STX1B: variants seen among roughly 807,000 people sequenced by gnomAD.
The protein encoded by STX1B is syntaxin-1B.
STX1B carries 7 observed loss-of-function variants against 39.4 expected under a neutral mutation model. The ratio of observed to expected loss-of-function variants is 0.18; its 90% CI spans 0.10 to 0.33. STX1B has a LOEUF of 0.33. Ranked by LOEUF, STX1B falls within the 10% of genes least tolerant of loss-of-function variation. The probability of loss-of-function intolerance (pLI) is 1.00; values close to 1 mark genes in which losing one functional copy is unlikely to be tolerated. For synonymous variants in STX1B, 136 were observed against 144.1 expected (o/e 0.94, Z 0.40); for missense variants, 198 against 383.2 (o/e 0.52, Z 4.04).
intron 1 of STX1B, among the ~76,000 whole-genome samples, chr16:31,003,559 G>A (rs2056642306): frequency 6.6e-6 from 1 of 152,112 alleles, no homozygotes; most frequent in Admixed American, 6.5e-5. Context: ...CCCTGGCCCG[G>A]GTGCCTGAGG....
At chr16:30,997,291 A>C (rs1184447314) in intron 5 of STX1B, among the ~76,000 whole-genome samples, 1 of 152,054 alleles carries the variant, frequency 6.6e-6, no homozygotes, top group East Asian at 1.9e-4. Flanking sequence ...CCAGCTAGAG[A>C]CACTGCTACT....
chr16:31,009,415 G>A (rs2056669944), intron 1 of STX1B, among the ~76,000 whole-genome samples: 3 of 151,746 alleles, frequency 2.0e-5, no homozygotes, highest in African/African-American at 4.9e-5. Context: ...CAGCTCAGCC[G>A]GGGCCGGTAC....
At position 30,991,671 on chromosome 16, in the gene STX1B, C is replaced by G. The variant is rs780751363; in HGVS notation, c.*1150G>C. 1 of 151,956 alleles carries G rather than the reference C, an allele frequency of 6.6e-6. No homozygotes were observed. Among genetic ancestry groups the G allele is most frequent in the Non-Finnish European group, 1.5e-5 (1 of 68,062 alleles). 9.4% of individuals were successfully genotyped at this position (151,956 alleles called of 1,614,324 possible). A position where few individuals can be genotyped will look rare whatever the true frequency, so the allele number is the denominator to read the frequency against. ...ATCACCTGAGGTCAGGAGTTCGAGA[C>G]CAGCCTGGCCAACATGTCAAAACCT... On this transcript the variant is annotated 3_prime_UTR_variant, in exon 10 of 10. Coordinates refer to ENST00000215095, the MANE Select transcript of STX1B (RefSeq NM_052874.5).
At chr16:31,000,269 G>A (rs1179165432) in intron 4 of STX1B, among the ~76,000 whole-genome samples, 2 of 150,698 alleles carry the variant, frequency 1.3e-5, no homozygotes, top group African/African-American at 2.4e-5. Flanking sequence ...GCCTCCCAAA[G>A]TTCTGGGATT....
intron 1 of STX1B, among the ~76,000 whole-genome samples, chr16:31,004,545 G>C (rs183083232): frequency 5.3e-5 from 8 of 152,060 alleles, no homozygotes; most frequent in African/African-American, 1.9e-4. Context: ...ATGGTGGTGC[G>C]CACCTGTAGT....
chr16:31,000,579 A>G (rs1596719043), intron 4 of STX1B, among the ~76,000 whole-genome samples: 1 of 149,016 alleles, frequency 6.7e-6, no homozygotes, highest in Non-Finnish European at 1.5e-5. Flanking sequence ...TGTAACCTCC[A>G]CCTCCCGGGT....
Position 30,993,175 on chromosome 16 carries a change from C to G in STX1B, c.741G>C (p.Val247=), listed in dbSNP as rs1385008089. 4 of 1,614,108 alleles carry G rather than the reference C, an allele frequency of 2.5e-6. No homozygotes were observed. Among genetic ancestry groups the G allele is most frequent in the Non-Finnish European group, 3.4e-6 (4 of 1,180,050 alleles). ...EHSVDYVERA[V]SDTKKAVKYQ... is the part of the protein sequence containing the mutation. The stretch of plus-strand genomic sequence containing the variant: ...ATTTCACTGCTTTCTTGGTGTCAGA[C>G]ACAGCTCGCTCCACGTAGTCCACAG... The change falls in exon 9 of 10, where the codon GTG becomes GTC. Residue 247 remains valine, a synonymous_variant. Coordinates refer to ENST00000215095, the MANE Select transcript of STX1B (RefSeq NM_052874.5).
At position 31,010,492 on chromosome 16, in the gene STX1B, CG is replaced by C. The variant is rs1024168122; in HGVS notation, c.-97del. 15 of 605,700 alleles carry C rather than the reference CG, an allele frequency of 2.5e-5. No individual in the cohort carries two copies. The highest frequency in any genetic ancestry group is 4.8e-4 in the Middle Eastern group (1 of 2,082). 37.5% of individuals were successfully genotyped at this position (605,700 alleles called of 1,614,324 possible). A position where few individuals can be genotyped will look rare whatever the true frequency, so the allele number is the denominator to read the frequency against. ...GCCGGAGGCCGGGGTCTGGGGGCGC[CG>C]GGGGGCGCCGCGGCCGCTGCGGGGG... On this transcript the variant is annotated 5_prime_UTR_variant, in exon 1 of 10. Transcript: ENST00000215095.
chr16:31,006,362 C>A (rs55731737), intron 1 of STX1B, among the ~76,000 whole-genome samples: 2 of 152,090 alleles, frequency 1.3e-5, no homozygotes, highest in South Asian at 2.1e-4. Context: ...CCCCCTGCCC[C>A]TTTCTCATCC....
chr16:31,008,254 T>A (rs972236286), intron 1 of STX1B, among the ~76,000 whole-genome samples: 3 of 110,364 alleles, frequency 2.7e-5, no homozygotes, highest in Admixed American at 1.3e-4. Context: ...CCCTCTTGAA[T>A]CTCCAGTTTC....
chr16:30,995,185 C>T (rs765248953), intron 7 of STX1B, among the ~76,000 whole-genome samples: 3 of 152,106 alleles, frequency 2.0e-5, no homozygotes, highest in South Asian at 4.2e-4. Context: ...CTTTGTTGCC[C>T]GGGCTGGTCT....
intron 4 of STX1B, among the ~76,000 whole-genome samples, chr16:30,999,105 G>A (rs979535047): frequency 9.2e-5 from 14 of 152,074 alleles, no homozygotes; most frequent in African/African-American, 3.1e-4. Context: ...TTGTCTTACT[G>A]TACTGATAAG....
In STX1B at chr16:31,004,114, C is replaced by T. The variant is rs570452933; in HGVS notation, c.31-2511G>A. On this transcript the variant is annotated intron_variant, in intron 1 of 9. Coordinates refer to ENST00000215095, the MANE Select transcript of STX1B (RefSeq NM_052874.5). ...CCCAATCTGGGGAAGGCTCTGTGTC[C>T]GGACAACCTAGCAAAACAAGAGCAC... 1.1e-4 allele frequency among the ~76,000 whole-genome samples: 16 copies of T among 152,330 alleles called. No homozygotes were observed. The East Asian group carries it at 2.9e-3, about 28-fold the overall frequency.
At chr16:31,005,369 C>T (rs574025811) in intron 1 of STX1B, among the ~76,000 whole-genome samples, 10 of 152,122 alleles carry the variant, frequency 6.6e-5, no homozygotes, top group African/African-American at 2.4e-4. Flanking sequence ...ATTCAAGCCT[C>T]AGTTGCCTCA....
Position 31,001,019 on chromosome 16 carries a change from G to C in STX1B, c.206-17C>G, listed in dbSNP as rs767622055. 6.2e-7 allele frequency: 1 copy of C among 1,614,004 alleles called. No individual in the cohort carries two copies. The highest frequency in any genetic ancestry group is 1.3e-5 in the African/African-American group (1 of 74,914). The stretch of plus-strand genomic sequence containing the variant: ...GTTTGGTCTCTGAGGGGAGGGCGAG[G>C]GCAAGTGAGATGTCTGGGTGGGAAC... On this transcript the variant is annotated splice_polypyrimidine_tract_variant and intron_variant, in intron 3 of 9. Transcript: ENST00000215095. This position sits in a 1 kb window ranked among gnomAD's most constrained non-coding sequence, Gnocchi z 5.5.
intron 4 of STX1B, among the ~76,000 whole-genome samples, chr16:30,998,563 C>G (rs2056607953): frequency 6.6e-6 from 1 of 152,208 alleles, no homozygotes; most frequent in African/African-American, 2.4e-5. Context: ...TTACAACATT[C>G]CTGGGAGTTC....
In STX1B at chr16:31,001,424, T is replaced by C. The variant is rs1410360314; in HGVS notation, c.105+105A>G. On this transcript the variant is annotated intron_variant, in intron 2 of 9. Coordinates refer to ENST00000215095, the MANE Select transcript of STX1B (RefSeq NM_052874.5). This position sits in a 1 kb window ranked among gnomAD's most constrained non-coding sequence, Gnocchi z 5.5. ...GGGACTAGGGGCTGGGGCTGGGTGC[T>C]GGGGCTGGGGCTGGGTGCCGGGGCT... is the stretch of plus-strand genomic sequence containing the variant. The C allele has an allele frequency of 1.4e-5, 6 of 439,376 alleles. No homozygotes were observed. Among genetic ancestry groups the C allele is most frequent in the Non-Finnish European group, 1.7e-5 (6 of 344,026 alleles). The allele number at this position is 439,376 out of a possible 1,614,324, so 27.2% of individuals were successfully genotyped here.
intron 1 of STX1B, among the ~76,000 whole-genome samples, chr16:31,008,370 G>A (rs997807585): frequency 3.3e-5 from 5 of 151,784 alleles, no homozygotes; most frequent in African/African-American, 7.3e-5. Flanking sequence ...CTCTGAGCAG[G>A]GGCCCCTGAC....
intron 1 of STX1B, among the ~76,000 whole-genome samples, chr16:31,009,873 C>T (rs943330774): frequency 6.6e-6 from 1 of 152,028 alleles, no homozygotes; most frequent in Non-Finnish European, 1.5e-5. Flanking sequence ...GAGTGACACA[C>T]GCGTGTGCAC....
Sources: gnomAD v4.1 joint callset for allele counts (sites outside exome capture counted in the v4.1 genomes callset) on GRCh38, gnomAD v4.1.1 for gene constraint, Gnocchi (gnomAD v3.1) non-coding constraint, MANE v1.5 for transcripts, NCBI Gene and HGNC (gene_info 2026-07-23, HGNC 2026-07-21) for gene names.